MED9: variants seen among roughly 807,000 people sequenced by gnomAD.
The protein encoded by MED9 is mediator of RNA polymerase II transcription subunit 9.
MED9 carries 8 observed loss-of-function variants against 13.2 expected under a neutral mutation model. That is an observed-to-expected ratio of 0.61 (90% CI 0.36 to 1.10). MED9 has a LOEUF of 1.10. Among genes scored for constraint, MED9 ranks in the 50% least tolerant of loss-of-function variants. MED9 has a pLI of 0.02. For synonymous variants in MED9, 87 were observed against 82.8 expected (o/e 1.05, Z -0.28); for missense variants, 180 against 193.4 (o/e 0.93, Z 0.41).
chr17:17,490,480 T>C (rs75934122), intron 1 of MED9, among the ~76,000 whole-genome samples: 89 of 152,236 alleles, frequency 5.8e-4, no homozygotes, highest in African/African-American at 2.1e-3. Flanking sequence ...TGCCAGGCTG[T>C]TTTTTTGATC....
intron 1 of MED9, 26 bp from the exon 2 acceptor site, chr17:17,491,253 T>C: frequency 6.3e-7 from 1 of 1,588,486 alleles, no homozygotes; most frequent in Non-Finnish European, 8.6e-7. Context: ...AAGCTGTGAA[T>C]GCTAACAGCT....
chr17:17,480,258 C>T (rs779820394), intron 1 of MED9, among the ~76,000 whole-genome samples: 8 of 152,164 alleles, frequency 5.3e-5, no homozygotes, highest in Non-Finnish European at 1.2e-4. Context: ...CCACCCGAGC[C>T]TTCCCCCACC....
chr17:17,485,412 G>C, intron 1 of MED9: 1 of 397,936 alleles, frequency 2.5e-6, no homozygotes, highest in Non-Finnish European at 4.4e-6. Flanking sequence ...ATAGTGACCT[G>C]CTCAGACTTG....
chr17:17,489,252 T>G lies in MED9; in HGVS notation c.225-2027T>G, dbSNP rs143202178. Among the ~76,000 whole-genome samples the G allele has an allele frequency of 1.4e-3, 212 of 152,354 alleles. 2 individuals are homozygous for G. The highest frequency in any genetic ancestry group is 4.4e-3 in the African/African-American group (185 of 41,584). ...GTCTTACAGCTCCTTTTTTATTATC[T>G]GAAGACTGTCTCCTTTCCTGAAAGT... On this transcript the variant is annotated intron_variant, in intron 1 of 1. Transcript: ENST00000268711.
chr17:17,491,662 A>T lies in MED9; in HGVS notation c.*167A>T, dbSNP rs1254643986. ...CGCGCGCTTCGCCTGTGCGGGAGCCAGCGCAGAGCTTGGCTGCGCCGGGGG... is the reference window on the plus strand; with the variant it reads ...CGCGCGCTTCGCCTGTGCGGGAGCCTGCGCAGAGCTTGGCTGCGCCGGGGG... On this transcript the variant is annotated 3_prime_UTR_variant, in exon 2 of 2. Coordinates refer to ENST00000268711, the MANE Select transcript of MED9 (RefSeq NM_018019.3). 4 of 660,984 alleles carry T rather than the reference A, an allele frequency of 6.1e-6. No individual in the cohort carries two copies. The highest frequency in any genetic ancestry group is 1.0e-5 in the Non-Finnish European group (4 of 389,838). The allele number at this position is 660,984 out of a possible 1,614,324, so 40.9% of individuals were successfully genotyped here. A position where few individuals can be genotyped will look rare whatever the true frequency, so the allele number is the denominator to read the frequency against.
chr17:17,491,440 A>G lies in MED9; in HGVS notation c.386A>G (p.Asn129Ser). The G allele has an allele frequency of 2.5e-6, 4 of 1,614,126 alleles. No individual in the cohort carries two copies. The highest frequency in any genetic ancestry group is 1.6e-4 in the Middle Eastern group (1 of 6,062). ...QSLREQVRTK[N>S]ELLQKYKSLC... ...CTCCGGGAGCAAGTCAGGACCAAGAATGAGCTTCTGCAAAAGTACAAGAGC... is the reference window on the plus strand; with the variant it reads ...CTCCGGGAGCAAGTCAGGACCAAGAGTGAGCTTCTGCAAAAGTACAAGAGC... The change falls in exon 2 of 2, where the codon AAT (asparagine) becomes AGT (serine). Residue 129 changes from asparagine to serine, a missense_variant. Coordinates refer to ENST00000268711, the MANE Select transcript of MED9 (RefSeq NM_018019.3).
chr17:17,490,695 C>A (rs1034703987), intron 1 of MED9, among the ~76,000 whole-genome samples: 1 of 152,164 alleles, frequency 6.6e-6, no homozygotes, highest in African/African-American at 2.4e-5. Flanking sequence ...ATGAACAGCT[C>A]TGTGGAAATT....
chr17:17,482,967 A>C (rs543796777), intron 1 of MED9, among the ~76,000 whole-genome samples: 2 of 152,232 alleles, frequency 1.3e-5, no homozygotes, highest in African/African-American at 4.8e-5. Flanking sequence ...TTAAATCTTC[A>C]TGGTACATTT....
chr17:17,492,697 C>G lies in MED9; in HGVS notation c.*1202C>G, dbSNP rs1359485990. ...CGAAGTCCTGGAGTATTGTTTGGGT[C>G]TCGGAATGGGCGCATAACCTGCGCT... On this transcript the variant is annotated 3_prime_UTR_variant, in exon 2 of 2. Transcript: ENST00000268711. 6.6e-6 allele frequency: 1 copy of G among 152,258 alleles called. No individual in the cohort carries two copies. Among genetic ancestry groups the G allele is most frequent in the African/African-American group, 2.4e-5 (1 of 41,452 alleles). 9.4% of individuals were successfully genotyped at this position (152,258 alleles called of 1,614,324 possible). A position where few individuals can be genotyped will look rare whatever the true frequency, so the allele number is the denominator to read the frequency against.
intron 1 of MED9, among the ~76,000 whole-genome samples, chr17:17,481,802 C>T (rs967183938): frequency 2.0e-5 from 3 of 152,122 alleles, no homozygotes; most frequent in Admixed American, 1.3e-4. Flanking sequence ...CAGATAAATC[C>T]CAGCAGTAGA....
At position 17,493,162 on chromosome 17, in the gene MED9, TTGACTTG is replaced by T. The variant is rs1205332792; in HGVS notation, c.*1672_*1678del. On this transcript the variant is annotated 3_prime_UTR_variant, in exon 2 of 2. Transcript: ENST00000268711. Reference sequence around the variant, plus strand: ...CCGGAGCCTGCCTTGTGTTCCTTTTTTGACTTGTGACATTTTTCAAACACATAATTAA... The same window carrying T: ...CCGGAGCCTGCCTTGTGTTCCTTTTTTGACATTTTTCAAACACATAATTAA... The T allele has an allele frequency of 6.6e-6, 1 of 152,204 alleles. No homozygotes were observed. The highest frequency in any genetic ancestry group is 6.5e-5 in the Admixed American group (1 of 15,290). 9.4% of individuals were successfully genotyped at this position (152,204 alleles called of 1,614,324 possible). A position where few individuals can be genotyped will look rare whatever the true frequency, so the allele number is the denominator to read the frequency against.
intron 1 of MED9, 73 bp from the exon 2 acceptor site, chr17:17,491,206 C>A: frequency 7.2e-7 from 1 of 1,382,838 alleles, no homozygotes; most frequent in Non-Finnish European, 1.0e-6. Flanking sequence ...ACAGCCAGCT[C>A]TAGGGGGTGC....
intron 1 of MED9, chr17:17,477,819 G>C (rs908856111): frequency 6.6e-6 from 1 of 152,636 alleles, no homozygotes. Context: ...CAGAAACACA[G>C]AAGTTGCCTC....
chr17:17,477,297 C>T (rs1436257410), intron 1 of MED9, 32 bp downstream of exon 1: 5 of 1,531,936 alleles, frequency 3.3e-6, no homozygotes, highest in Non-Finnish European at 2.6e-6. Context: ...AGGCCCCATA[C>T]TCCCTCCAGC....
intron 1 of MED9, 122 bp from the exon 2 acceptor site, chr17:17,491,157 C>A: frequency 2.1e-6 from 2 of 933,986 alleles, no homozygotes; most frequent in Non-Finnish European, 3.3e-6. Context: ...AGGGGATAGA[C>A]ACATAAAACG....
chr17:17,486,669 C>A (rs71364027), intron 1 of MED9: 1 of 156,594 alleles, frequency 6.4e-6, no homozygotes, highest in Non-Finnish European at 1.4e-5. Context: ...GCCCCAGCCT[C>A]CCTGACGAGC....
intron 1 of MED9, chr17:17,488,381 G>A (rs1019437353): frequency 6.6e-6 from 1 of 152,262 alleles, no homozygotes; most frequent in Non-Finnish European, 1.5e-5. Flanking sequence ...CTAAAAAGAA[G>A]AACAAAGAAA....
At chr17:17,486,418 GC>G (rs1222252328) in intron 1 of MED9, 1 of 152,726 alleles carries the variant, frequency 6.5e-6, no homozygotes, top group Non-Finnish European at 1.5e-5. Context: ...TTCCGGCTGG[GC>G]GTGGGCTTGG....
At chr17:17,480,956 G>T (rs1269726636) in intron 1 of MED9, among the ~76,000 whole-genome samples, 1 of 152,218 alleles carries the variant, frequency 6.6e-6, no homozygotes, top group Non-Finnish European at 1.5e-5. Flanking sequence ...CTTCAATTAG[G>T]AAAGGGAGGC....
Sources: allele counts gnomAD v4.1 joint callset (sites outside exome capture counted in the v4.1 genomes callset), GRCh38; gene constraint gnomAD v4.1.1; transcripts MANE v1.5; gene names NCBI Gene and HGNC (gene_info 2026-07-23, HGNC 2026-07-21).